The following NALF1 variants were observed in gnomAD, a reference collection of about 807,000 sequenced individuals.
The protein encoded by NALF1 is family with sequence similarity 155 member A.
In NALF1, 3 loss-of-function variants were observed where a neutral mutation model predicts 48.4. The observed-to-expected ratio is 0.06, with a 90% CI of 0.03 to 0.16. The LOEUF (loss-of-function observed/expected upper bound fraction) is 0.16. Ranked by LOEUF, NALF1 falls within the 10% of genes least tolerant of loss-of-function variation. The pLI is 1.00. For synonymous variants in NALF1, 262 were observed against 245.7 expected, an observed-to-expected ratio of 1.07 and a Z score of -0.62; for missense variants, 526 against 571.5, an observed-to-expected ratio of 0.92 and a Z score of 0.81.
intron 1 of NALF1, among the ~76,000 whole-genome samples, chr13:107,361,293 G>A (rs1481906477): frequency 2.0e-5 from 3 of 152,174 alleles, no homozygotes; most frequent in Admixed American, 6.5e-5. Context: ...TATTGGTGGA[G>A]GCTACTGCAG....
intron 2 of NALF1, among the ~76,000 whole-genome samples, chr13:107,196,864 A>C (rs551168253): frequency 1.3e-5 from 2 of 152,262 alleles, no homozygotes; most frequent in African/African-American, 2.4e-5. Context: ...GAGGTGACCA[A>C]GTGAGAGGAT....
intron 1 of NALF1, among the ~76,000 whole-genome samples, chr13:107,686,897 C>G (rs1881444721): frequency 6.6e-6 from 1 of 152,142 alleles, no homozygotes; most frequent in South Asian, 2.1e-4. Flanking sequence ...ATGGGAATTT[C>G]TCAAAGAACT....
rs571174105 is a variant in NALF1 at position 107,802,826 on chromosome 13, T to C, written c.915+62856A>G. Among the ~76,000 whole-genome samples the C allele has an allele frequency of 3.3e-5, 5 of 152,290 alleles. No individual in the cohort carries two copies. In the South Asian group the frequency reaches 1.0e-3, roughly 32 times the overall value. On this transcript the variant is annotated intron_variant, in intron 1 of 2. Coordinates refer to ENST00000375915, the MANE Select transcript of NALF1 (RefSeq NM_001080396.3). ...AAAGCCATTTTTATACCATTCCCAT[T>C]ACTACATTTTATTAGTTTGAATGCT... is the stretch of plus-strand genomic sequence containing the variant.
intron 1 of NALF1, among the ~76,000 whole-genome samples, chr13:107,626,155 G>A (rs1336323426): frequency 6.6e-6 from 1 of 151,924 alleles, no homozygotes; most frequent in Non-Finnish European, 1.5e-5. Context: ...AAACTATACT[G>A]AGTTACCACC....
chr13:107,322,388 T>A (rs1882274047), intron 1 of NALF1, among the ~76,000 whole-genome samples: 1 of 152,134 alleles, frequency 6.6e-6, no homozygotes, highest in South Asian at 2.1e-4. Flanking sequence ...AGACAGCATA[T>A]GCTAATTTTA....
At chr13:107,177,789 C>T (rs2138770694) in intron 2 of NALF1, among the ~76,000 whole-genome samples, 1 of 152,332 alleles carries the variant, frequency 6.6e-6, no homozygotes. Flanking sequence ...ATGGATCACA[C>T]TTGTAACCCT....
chr13:107,838,540 A>C (rs1177357464), intron 1 of NALF1, among the ~76,000 whole-genome samples: 1 of 152,182 alleles, frequency 6.6e-6, no homozygotes, highest in African/African-American at 2.4e-5. Context: ...TGTCGTACGT[A>C]ACAGGTAACT....
At chr13:107,658,269 C>G (rs569431032) in intron 1 of NALF1, among the ~76,000 whole-genome samples, 9 of 152,106 alleles carry the variant, frequency 5.9e-5, no homozygotes, top group Admixed American at 5.9e-4. Context: ...TTTTTTCCTT[C>G]TGCCAATTAT....
chr13:107,329,458 C>T (rs558161063), intron 1 of NALF1, among the ~76,000 whole-genome samples: 4 of 151,924 alleles, frequency 2.6e-5, no homozygotes, highest in Non-Finnish European at 5.9e-5. Flanking sequence ...TGTCCAGTAG[C>T]TTCACTCCTG....
intron 1 of NALF1, among the ~76,000 whole-genome samples, chr13:107,842,724 C>A (rs1350279398): frequency 1.3e-5 from 2 of 151,816 alleles, no homozygotes; most frequent in African/African-American, 4.8e-5. Flanking sequence ...GCTAATAAAT[C>A]TCTGACAAAC....
chr13:107,796,069 T>C (rs1461082232), intron 1 of NALF1, among the ~76,000 whole-genome samples: 1 of 152,202 alleles, frequency 6.6e-6, no homozygotes, highest in Non-Finnish European at 1.5e-5. Context: ...TATTGATGGT[T>C]AAGGCATTTT....
intron 1 of NALF1, among the ~76,000 whole-genome samples, chr13:107,778,434 T>C (rs1184293225): frequency 6.6e-6 from 1 of 152,112 alleles, no homozygotes; most frequent in Non-Finnish European, 1.5e-5. Flanking sequence ...TTGAACTGAA[T>C]TCTTAAAGGG....
intron 1 of NALF1, among the ~76,000 whole-genome samples, chr13:107,763,102 T>G (rs1213020174): frequency 1.3e-5 from 2 of 152,002 alleles, no homozygotes; most frequent in Non-Finnish European, 2.9e-5. Flanking sequence ...AACTCATCAT[T>G]TTTCTGGCAT....
intron 1 of NALF1, among the ~76,000 whole-genome samples, chr13:107,762,633 A>C (rs1047409771): frequency 2.0e-5 from 3 of 152,094 alleles, no homozygotes; most frequent in Non-Finnish European, 2.9e-5. Flanking sequence ...AGTCAGTTCA[A>C]GGAAGTTTAG....
intron 1 of NALF1, among the ~76,000 whole-genome samples, chr13:107,492,032 GTTTTTTTTTGTTTTT>G (rs1341533011): frequency 9.7e-6 from 1 of 103,372 alleles, no homozygotes; most frequent in Non-Finnish European, 1.9e-5. Context: ...GCCTGTCTGG[GTTTTTTTTTGTTTTT>G]TTTTTTTTTT....
chr13:107,272,201 T>TAAAAAGGGAAATTCATTGCCAGTA (rs1248890499), intron 1 of NALF1, among the ~76,000 whole-genome samples: 23 of 27,616 alleles, frequency 8.3e-4, no homozygotes, highest in African/African-American at 9.7e-4. Flanking sequence ...TAGAATTTTT[T>TAAAAAGGGAAATTCATTGCCAGTA]TTTTTTTTTT....
intron 1 of NALF1, among the ~76,000 whole-genome samples, chr13:107,509,937 GCTAGGAC>G (rs1875827262): frequency 6.6e-6 from 1 of 151,928 alleles, no homozygotes; most frequent in Non-Finnish European, 1.5e-5. Flanking sequence ...CCCCAAATTA[GCTAGGAC>G]CACAGGTATG....
chr13:107,442,950 C>A (rs2139027689), intron 1 of NALF1, among the ~76,000 whole-genome samples: 1 of 152,074 alleles, frequency 6.6e-6, no homozygotes, highest in South Asian at 2.1e-4. Flanking sequence ...CATAGAACAA[C>A]AGTTTATTGG....
chr13:107,199,714 C>A (rs773560178), intron 2 of NALF1, among the ~76,000 whole-genome samples: 1 of 152,092 alleles, frequency 6.6e-6, no homozygotes, highest in Non-Finnish European at 1.5e-5. Context: ...TCAGCAGAAG[C>A]CTCCATACTG....
Sources: gnomAD v4.1 joint callset for allele counts (sites outside exome capture counted in the v4.1 genomes callset) on GRCh38, gnomAD v4.1.1 for gene constraint, MANE v1.5 for transcripts, NCBI Gene and HGNC (gene_info 2026-07-23, HGNC 2026-07-21) for gene names.